Variants in CEACAM19 observed in about 807,000 individuals in gnomAD.
CEACAM19 encodes the protein cell adhesion molecule CEACAM19.
In CEACAM19, 37 loss-of-function variants were observed where a neutral mutation model predicts 37.6. The ratio of observed to expected loss-of-function variants is 0.98; its 90% confidence interval spans 0.76 to 1.29. The LOEUF (loss-of-function observed/expected upper bound fraction) is 1.29. Among genes scored for constraint, CEACAM19 ranks in the 50% most tolerant of loss-of-function variants. The probability of loss-of-function intolerance (pLI) is 0.00; values close to 1 mark genes in which losing one functional copy is unlikely to be tolerated. For synonymous variants in CEACAM19, 140 were observed against 149.8 expected, an observed-to-expected ratio of 0.93 and a Z score of 0.48; for missense variants, 340 against 375.6, an observed-to-expected ratio of 0.91 and a Z score of 0.78.
chr19:44,668,326 A>G (rs1973779654), upstream of CEACAM19, among the ~76,000 whole-genome samples: 1 of 64,726 alleles, frequency 1.5e-5, no homozygotes, highest in South Asian at 5.1e-4. Flanking sequence ...TTATATTTAT[A>G]TAATATGTTT....
At chr19:44,668,728 TA>T (rs1335394663), upstream of CEACAM19, among the ~76,000 whole-genome samples, 4 of 62,122 alleles carry the variant, frequency 6.4e-5, no homozygotes, top group Non-Finnish European at 8.6e-5. Context: ...TATGTATATA[TA>T]AATATAATAT....
intron 2 of CEACAM19, among the ~76,000 whole-genome samples, chr19:44,675,095 A>AGTGTGTGT (rs1267485271): frequency 7.7e-4 from 84 of 109,638 alleles, no homozygotes; most frequent in Non-Finnish European, 5.7e-4. Context: ...TTCAGAGAAC[A>AGTGTGTGT]GCGTGTGTGT....
Position 44,676,266 on chromosome 19 carries a change from C to T in CEACAM19, c.425-5C>T. ...CCCTCTCTCTTTCTTTCTCTCACCC[C>T]TCAGAAAAGAATAAGGAGCTGCCCA... On this transcript the variant is annotated splice_region_variant and splice_polypyrimidine_tract_variant and intron_variant, in intron 2 of 7. Coordinates refer to ENST00000358777, the MANE Select transcript of CEACAM19 (RefSeq NM_001127893.3). 6.2e-7 allele frequency: 1 copy of T among 1,613,752 alleles called. No individual in the cohort carries two copies. Among genetic ancestry groups the T allele is most frequent in the Non-Finnish European group, 8.5e-7 (1 of 1,179,774 alleles).
upstream of CEACAM19, among the ~76,000 whole-genome samples, chr19:44,668,787 TAA>T (rs1379510514): frequency 0.021 from 2,339 of 109,860 alleles, 319 homozygotes; most frequent in African/African-American, 0.085. Flanking sequence ...TAATTATATA[TAA>T]TATATATTAT....
At chr19:44,670,519 A>G (rs1354715151), upstream of CEACAM19, among the ~76,000 whole-genome samples, 2 of 151,454 alleles carry the variant, frequency 1.3e-5, no homozygotes, top group African/African-American at 4.9e-5. Flanking sequence ...TACTAAAAAT[A>G]CAAAAATTAG....
chr19:44,682,682 G>A (rs918103974), intron 7 of CEACAM19, 62 bp downstream of exon 7: 76 of 1,466,182 alleles, frequency 5.2e-5, no homozygotes, highest in Admixed American at 2.6e-4. Flanking sequence ...CCCCGAAGCC[G>A]GGGTGGGGAG....
At chr19:44,671,465 T>C, upstream of CEACAM19, 1 of 393,948 alleles carries the variant, frequency 2.5e-6, no homozygotes, top group Non-Finnish European at 4.5e-6. Context: ...AAATCCCACC[T>C]CTGTCTATTG....
chr19:44,672,735 G>A lies in CEACAM19; in HGVS notation c.195G>A (p.Trp65Ter). ...CAGACACCTTCCAGGACTTCAACTGGTACCTGGGGGAGGAGACGTACGGAG... is the reference window on the plus strand; with the variant it reads ...CAGACACCTTCCAGGACTTCAACTGATACCTGGGGGAGGAGACGTACGGAG... ...GVPDTFQDFN[W>*]YLGEETYGGT... Residue 65 changes from tryptophan (W) to a stop codon, truncating the protein, a stop_gained, in exon 2 of 8, where the codon TGG becomes TGA. Coordinates refer to ENST00000358777, the MANE Select transcript of CEACAM19 (RefSeq NM_001127893.3). LOFTEE classifies it high-confidence loss of function. 2 of 1,583,446 alleles carry A rather than the reference G, an allele frequency of 1.3e-6. No individual in the cohort carries two copies. Among genetic ancestry groups the A allele is most frequent in the Non-Finnish European group, 1.7e-6 (2 of 1,163,378 alleles).
upstream of CEACAM19, among the ~76,000 whole-genome samples, chr19:44,668,726 T>C (rs1382083920): frequency 1.6e-5 from 1 of 63,174 alleles, no homozygotes. Context: ...AATATGTATA[T>C]ATAAATATAA....
rs778131630 is a variant in CEACAM19, at chr19:44,672,793, C to T, written c.253C>T (p.Gln85Ter). The T allele has an allele frequency of 1.3e-6, 2 of 1,588,898 alleles. No homozygotes were observed. The highest frequency in any genetic ancestry group is 1.7e-6 in the Non-Finnish European group (2 of 1,166,668). The stretch of plus-strand genomic sequence containing the variant: ...GCTATTTACCTACATCCCTGGGATA[C>T]AACGGCCTCAGAGGGATGGCAGTGC... ...TRLFTYIPGIQRPQRDGSAMG... is the reference protein window; with the variant it reads ...TRLFTYIPGI Residue 85 changes from glutamine to a stop codon, truncating the protein, a stop_gained, in exon 2 of 8, where the codon CAA (glutamine) becomes TAA (stop). Transcript: ENST00000358777. LOFTEE classifies it high-confidence loss of function.
intron 5 of CEACAM19, 77 bp downstream of exon 5, chr19:44,680,411 C>G: frequency 3.0e-6 from 4 of 1,325,330 alleles, no homozygotes; most frequent in Non-Finnish European, 4.3e-6. Context: ...CACAAGCCCG[C>G]TTATTCTCCC....
Position 44,680,290 on chromosome 19 carries a change from T to G in CEACAM19, c.662T>G (p.Met221Arg), listed in dbSNP as rs756007569. ...CAATTCCCTCTATGTGTCCCCAGGA[T>G]GGCGACCACAGAGAAGCCAGAATTG... ...PVPSVTPSTW[M>R]ATTEKPELGP... Residue 221 changes from methionine to arginine, a missense_variant and splice_region_variant, in exon 5 of 8, where the codon ATG (methionine) becomes AGG (arginine). Coordinates refer to ENST00000358777, the MANE Select transcript of CEACAM19 (RefSeq NM_001127893.3). The G allele has an allele frequency of 2.3e-5, 37 of 1,584,112 alleles. No individual in the cohort carries two copies. The highest frequency in any genetic ancestry group is 3.2e-5 in the Non-Finnish European group (37 of 1,168,272).
upstream of CEACAM19, among the ~76,000 whole-genome samples, chr19:44,671,061 G>C (rs1973847045): frequency 6.6e-6 from 1 of 151,920 alleles, no homozygotes; most frequent in Non-Finnish European, 1.5e-5. Context: ...TTGCACTCCA[G>C]CCTGGGCAAC....
At chr19:44,682,379 G>A (rs1974076332) in intron 6 of CEACAM19, among the ~76,000 whole-genome samples, 188 bp from the exon 7 acceptor site, 1 of 152,184 alleles carries the variant, frequency 6.6e-6, no homozygotes, top group South Asian at 2.1e-4. Flanking sequence ...ACACGAAGCT[G>A]GGGCCCAGTG....
At chr19:44,678,697 C>G (rs1973997175) in intron 3 of CEACAM19, 156 bp from the exon 4 acceptor site, 2 of 1,044,714 alleles carry the variant, frequency 1.9e-6, no homozygotes, top group Non-Finnish European at 2.7e-6. Context: ...AGGCATGAGC[C>G]ACTGAGCCCA....
intron 1 of CEACAM19, among the ~76,000 whole-genome samples, chr19:44,666,342 C>T (rs544801534): frequency 1.3e-5 from 2 of 152,150 alleles, no homozygotes; most frequent in South Asian, 2.1e-4. Flanking sequence ...ACTTCTCTCC[C>T]GGAGACAGAC....
chr19:44,681,409 T>C, intron 6 of CEACAM19, 97 bp downstream of exon 6: 1 of 729,102 alleles, frequency 1.4e-6, no homozygotes, highest in Non-Finnish European at 2.4e-6. Context: ...GACACCAGGT[T>C]TGGGAATCTC....
chr19:44,673,292 T>C (rs1973890552), intron 2 of CEACAM19, among the ~76,000 whole-genome samples: 1 of 152,216 alleles, frequency 6.6e-6, no homozygotes, highest in Non-Finnish European at 1.5e-5. Flanking sequence ...TCAATCTTTA[T>C]GTTTATAAAG....
At chr19:44,672,312 T>TGAAA (rs1973869206) in intron 1 of CEACAM19, among the ~76,000 whole-genome samples, 1 of 152,150 alleles carries the variant, frequency 6.6e-6, no homozygotes, top group African/African-American at 2.4e-5. Context: ...GTTGAATAAA[T>TGAAA]GAATGAATGA....
Sources: allele counts gnomAD v4.1 joint callset (sites outside exome capture counted in the v4.1 genomes callset), GRCh38; gene constraint gnomAD v4.1.1; transcripts MANE v1.5; gene names NCBI Gene and HGNC (gene_info 2026-07-23, HGNC 2026-07-21).